PLPP4: variants seen among roughly 807,000 people sequenced by gnomAD.
PLPP4 encodes the protein phospholipid phosphatase 4, also known as diacylglycerol pyrophosphate like 2.
In PLPP4, 20 loss-of-function variants were observed where a neutral mutation model predicts 32.2. That is an observed-to-expected ratio of 0.62 (90% CI 0.44 to 0.90). The LOEUF is 0.90. PLPP4 is among the 40% of genes least tolerant of loss of function. The pLI, the probability that PLPP4 is intolerant of heterozygous loss-of-function variation, is 0.00. For missense variants in PLPP4, 257 were observed against 353.1 expected (o/e 0.73, Z 2.18); for synonymous variants, 127 against 133.0 (o/e 0.95, Z 0.31).
At chr10:120,485,535 A>G (rs887614407) in intron 1 of PLPP4, among the ~76,000 whole-genome samples, 1 of 152,228 alleles carries the variant, frequency 6.6e-6, no homozygotes, top group Non-Finnish European at 1.5e-5. Context: ...AACTCACACC[A>G]AATAGCACCT....
chr10:120,574,166 A>T (rs71484633), intron 5 of PLPP4, among the ~76,000 whole-genome samples: 253 of 47,608 alleles, frequency 5.3e-3, no homozygotes, highest in Non-Finnish European at 7.9e-3. Flanking sequence ...ACACACACAC[A>T]CACTCTCTCT....
At chr10:120,527,578 C>T (rs1846462383) in intron 5 of PLPP4, among the ~76,000 whole-genome samples, 1 of 152,204 alleles carries the variant, frequency 6.6e-6, no homozygotes, top group African/African-American at 2.4e-5. Context: ...CAAGTTGACA[C>T]ATAAGGTTAC....
intron 5 of PLPP4, among the ~76,000 whole-genome samples, chr10:120,548,739 TA>T (rs750198754): frequency 2.0e-5 from 3 of 152,164 alleles, no homozygotes; most frequent in Non-Finnish European, 4.4e-5. Context: ...CAACATCTGT[TA>T]TTTTTTTACT....
intron 5 of PLPP4, among the ~76,000 whole-genome samples, chr10:120,565,032 T>C (rs1166658772): frequency 6.6e-6 from 1 of 152,210 alleles, no homozygotes; most frequent in Non-Finnish European, 1.5e-5. Flanking sequence ...TTAACACACA[T>C]AGTTAACGAA....
chr10:120,581,820 C>T (rs557878102), intron 6 of PLPP4, among the ~76,000 whole-genome samples: 7 of 152,178 alleles, frequency 4.6e-5, no homozygotes, highest in African/African-American at 7.2e-5. Flanking sequence ...TCTCCCCTTG[C>T]GCATTTACCA....
intron 3 of PLPP4, among the ~76,000 whole-genome samples, chr10:120,515,081 C>T (rs943670851): frequency 6.6e-6 from 1 of 152,170 alleles, no homozygotes; most frequent in African/African-American, 2.4e-5. Flanking sequence ...GAGAACGCTT[C>T]CTATATAACC....
rs959691405 is a variant in PLPP4, at chr10:120,503,750, G to T, written c.57-68G>T. The T allele has an allele frequency of 1.4e-5, 22 of 1,586,046 alleles. No individual in the cohort carries two copies. The Admixed American group carries it at 3.7e-4, about 27-fold the overall frequency. On this transcript the variant is annotated intron_variant, in intron 1 of 6. Coordinates refer to ENST00000398250, the MANE Select transcript of PLPP4 (RefSeq NM_001030059.3). ...CACCCTGAGGGTGCATAGAAGGGGGGCCTCCTTGGGAACTTCCCACAGCAA... is the reference window on the plus strand; with the variant it reads ...CACCCTGAGGGTGCATAGAAGGGGGTCCTCCTTGGGAACTTCCCACAGCAA...
intron 2 of PLPP4, among the ~76,000 whole-genome samples, chr10:120,504,152 G>C (rs1716364046): frequency 1.3e-5 from 2 of 152,188 alleles, no homozygotes; most frequent in South Asian, 4.1e-4. Flanking sequence ...CAAAGAAATA[G>C]CACTCAAACA....
chr10:120,527,076 C>T (rs1321736865), intron 5 of PLPP4, among the ~76,000 whole-genome samples: 1 of 151,516 alleles, frequency 6.6e-6, no homozygotes, highest in East Asian at 1.9e-4. Context: ...AGTAGGATGT[C>T]TGTCTGTCTG....
At chr10:120,514,816 C>T (rs754709797) in intron 3 of PLPP4, among the ~76,000 whole-genome samples, 6 of 152,112 alleles carry the variant, frequency 3.9e-5, no homozygotes, top group Non-Finnish European at 7.4e-5. Context: ...TTTGACACGT[C>T]ACCTAAAAGT....
At chr10:120,587,793 A>T (rs999614311) in intron 6 of PLPP4, among the ~76,000 whole-genome samples, 1 of 152,210 alleles carries the variant, frequency 6.6e-6, no homozygotes, top group African/African-American at 2.4e-5. Flanking sequence ...AGATGCAGGG[A>T]CATTAGTTTG....
In PLPP4 at chr10:120,478,364, C is replaced by T. The variant is rs149027339; in HGVS notation, c.56+21003C>T. On this transcript the variant is annotated intron_variant, in intron 1 of 6. Transcript: ENST00000398250. ...TCCAGGAAGGGAGGTGTTCAGGGTG[C>T]CTGCTTTACCCTCATAGCTGAAGCT... Among the ~76,000 whole-genome samples the T allele has an allele frequency of 3.4e-3, 515 of 152,264 alleles. 7 individuals carry two copies. The highest frequency in any genetic ancestry group is 0.012 in the African/African-American group (500 of 41,564).
chr10:120,479,924 C>G (rs1844119417), intron 1 of PLPP4, among the ~76,000 whole-genome samples: 1 of 152,128 alleles, frequency 6.6e-6, no homozygotes, highest in African/African-American at 2.4e-5. Flanking sequence ...AATGTTTTCT[C>G]TATTATTGAA....
intron 1 of PLPP4, among the ~76,000 whole-genome samples, chr10:120,470,536 G>T (rs374195911): frequency 6.6e-6 from 1 of 152,034 alleles, no homozygotes; most frequent in South Asian, 2.1e-4. Context: ...CTGTATTATC[G>T]AGTATTTTAC....
chr10:120,463,907 C>T (rs926011266), intron 1 of PLPP4, among the ~76,000 whole-genome samples: 2 of 152,160 alleles, frequency 1.3e-5, no homozygotes, highest in African/African-American at 4.8e-5. Flanking sequence ...CTCAACCTCC[C>T]AGGCTCAAGC....
intron 1 of PLPP4, among the ~76,000 whole-genome samples, chr10:120,475,235 T>C (rs1370988874): frequency 1.3e-5 from 2 of 151,714 alleles, no homozygotes; most frequent in Non-Finnish European, 2.9e-5. Flanking sequence ...TTCCCTTCTT[T>C]TTTTTTTTTT....
At chr10:120,579,783 G>T (rs1346911203) in intron 6 of PLPP4, among the ~76,000 whole-genome samples, 1 of 151,912 alleles carries the variant, frequency 6.6e-6, no homozygotes, top group African/African-American at 2.4e-5. Context: ...TGAGCATCAA[G>T]CAGAGTAAGC....
rs754600056 is a variant in PLPP4, at chr10:120,575,182, A to G, written c.497A>G (p.His166Arg). ...FTTFYLAGKL[H>R]CFTESGRGKS... is the part of the protein sequence containing the mutation. ...ACGTTCTACTTGGCGGGCAAGCTGC[A>G]CTGCTTCACCGAGAGTGGGCGGGGA... The change falls in exon 6 of 7, where the codon CAC (histidine) becomes CGC (arginine). Residue 166 changes from histidine (H) to arginine (R), a missense_variant. Physicochemically the swap from His to Arg is conservative, Grantham distance 29 (BLOSUM62 0). Coordinates refer to ENST00000398250, the MANE Select transcript of PLPP4 (RefSeq NM_001030059.3). 5.0e-6 allele frequency: 8 copies of G among 1,613,980 alleles called. No homozygotes were observed. Among genetic ancestry groups the G allele is most frequent in the African/African-American group, 1.3e-5 (1 of 75,034 alleles).
intron 6 of PLPP4, among the ~76,000 whole-genome samples, chr10:120,579,885 A>G (rs1000128427): frequency 1.3e-5 from 2 of 151,524 alleles, no homozygotes; most frequent in Non-Finnish European, 2.9e-5. Flanking sequence ...AGGCGGGCAG[A>G]TCACGAGGTC....
Sources: allele counts gnomAD v4.1 joint callset (sites outside exome capture counted in the v4.1 genomes callset), GRCh38; gene constraint gnomAD v4.1.1; transcripts MANE v1.5; gene names NCBI Gene and HGNC (gene_info 2026-07-23, HGNC 2026-07-21).